The following FARSB variants were observed in gnomAD, a reference collection of about 807,000 sequenced individuals.
The protein encoded by FARSB is phenylalanine--tRNA ligase beta subunit.
In FARSB, 40 loss-of-function variants were observed where a neutral mutation model predicts 69.6. The observed-to-expected ratio is 0.57, with a 90% CI of 0.45 to 0.75. The LOEUF (loss-of-function observed/expected upper bound fraction) is 0.75, where lower values mean the gene tolerates loss of function less well. Ranked by LOEUF, FARSB falls within the 30% of genes least tolerant of loss-of-function variation. The pLI, the probability that FARSB is intolerant of heterozygous loss-of-function variation, is 0.00. For missense variants in FARSB, 632 were observed against 722.9 expected, an observed-to-expected ratio of 0.87 and a Z score of 1.44; for synonymous variants, 235 against 247.2, an observed-to-expected ratio of 0.95 and a Z score of 0.46.
chr2:222,586,406 A>G (rs367584353), intron 16 of FARSB, among the ~76,000 whole-genome samples: 144 of 152,382 alleles, frequency 9.4e-4, no homozygotes, highest in Middle Eastern at 6.8e-3. Context: ...CTGCAAAAAC[A>G]TACCAAATTG....
In FARSB at chr2:222,609,913, G is replaced by A. The variant is rs543111577; in HGVS notation, c.1462+3898C>T. 4.6e-5 allele frequency among the ~76,000 whole-genome samples: 7 copies of A among 152,306 alleles called. No homozygotes were observed. In the South Asian group the frequency reaches 1.0e-3, roughly 23 times the overall value. On this transcript the variant is annotated intron_variant, in intron 15 of 16. Transcript: ENST00000281828. Reference sequence around the variant, plus strand: ...ATTCTATTTTCATTTTGGAAGACATGCTTGCCCACCCCAAATTGATACAAG... The same window carrying A: ...ATTCTATTTTCATTTTGGAAGACATACTTGCCCACCCCAAATTGATACAAG...
In FARSB at chr2:222,630,132, A is replaced by G; in HGVS notation, c.829T>C (p.Tyr277His). The change falls in exon 9 of 17, where the codon TAT (tyrosine) becomes CAT (histidine). Residue 277 changes from tyrosine (Y) to histidine (H), a missense_variant. Physicochemically the swap from Tyr to His is moderately conservative, Grantham distance 83 (BLOSUM62 2). Coordinates refer to ENST00000281828, the MANE Select transcript of FARSB (RefSeq NM_005687.5). ...ACTTACGTAAATTGATTCTCACAAT[A>G]TTCACTGAACATGGTGACAATAATA... ...LDIIVTMFSE[Y>H]CENQFTVEAA... 1 of 1,563,406 alleles carries G rather than the reference A, an allele frequency of 6.4e-7. No individual in the cohort carries two copies. Among genetic ancestry groups the G allele is most frequent in the Non-Finnish European group, 8.7e-7 (1 of 1,155,908 alleles).
At chr2:222,637,118 G>A (rs1691601894) in intron 5 of FARSB, among the ~76,000 whole-genome samples, 2 of 152,262 alleles carry the variant, frequency 1.3e-5, no homozygotes, top group Admixed American at 1.3e-4. Flanking sequence ...AGACTCACTA[G>A]GCACTTCAAG....
chr2:222,572,656 T>C (rs1376184971), intron 16 of FARSB, among the ~76,000 whole-genome samples: 1 of 152,166 alleles, frequency 6.6e-6, no homozygotes, highest in Non-Finnish European at 1.5e-5. Flanking sequence ...GCATCTACTG[T>C]AAAACCACAG....
intron 14 of FARSB, among the ~76,000 whole-genome samples, chr2:222,618,346 GAAGTA>G (rs903213811): frequency 7.9e-5 from 12 of 152,024 alleles, no homozygotes; most frequent in Non-Finnish European, 1.2e-4. Flanking sequence ...TATTTTTGTA[GAAGTA>G]AAAACCAAAA....
intron 15 of FARSB, among the ~76,000 whole-genome samples, chr2:222,607,237 A>C (rs1395221497): frequency 6.6e-6 from 1 of 152,192 alleles, no homozygotes; most frequent in Non-Finnish European, 1.5e-5. Context: ...TTATGAAGAG[A>C]ATTCAACAAA....
At chr2:222,614,911 G>T (rs995754786) in intron 14 of FARSB, among the ~76,000 whole-genome samples, 2 of 152,090 alleles carry the variant, frequency 1.3e-5, no homozygotes, top group Non-Finnish European at 1.5e-5. Context: ...AAATGTAAAT[G>T]CAATTAAAAT....
chr2:222,621,019 A>G (rs976877262), intron 13 of FARSB, among the ~76,000 whole-genome samples: 1 of 152,228 alleles, frequency 6.6e-6, no homozygotes, highest in Non-Finnish European at 1.5e-5. Context: ...ACTGGGGATA[A>G]GCGTTTTCCC....
chr2:222,593,988 G>A (rs544021566), intron 16 of FARSB, among the ~76,000 whole-genome samples: 21 of 150,582 alleles, frequency 1.4e-4, no homozygotes, highest in African/African-American at 4.6e-4. Context: ...TGGGCGTGGT[G>A]GCTCACACCT....
intron 16 of FARSB, among the ~76,000 whole-genome samples, chr2:222,576,938 C>A (rs762988393): frequency 6.6e-6 from 1 of 152,176 alleles, no homozygotes; most frequent in Non-Finnish European, 1.5e-5. Context: ...ACTTATCCCA[C>A]GTGAGCATGG....
chr2:222,574,072 G>A (rs562052421), intron 16 of FARSB, among the ~76,000 whole-genome samples: 104 of 152,258 alleles, frequency 6.8e-4, no homozygotes, highest in South Asian at 3.1e-3. Context: ...TAAGCCAGAT[G>A]TGCTAGTTCT....
At chr2:222,577,469 CAACTGGATGTGAGGG>C (rs1028902876) in intron 16 of FARSB, among the ~76,000 whole-genome samples, 19 of 152,176 alleles carry the variant, frequency 1.2e-4, no homozygotes, top group African/African-American at 3.6e-4. Flanking sequence ...AAAGTGAAGG[CAACTGGATGTGAGGG>C]AACTGGTACC....
chr2:222,641,014 G>A, intron 3 of FARSB, 83 bp from the exon 4 acceptor site: 1 of 524,256 alleles, frequency 1.9e-6, no homozygotes, highest in Middle Eastern at 6.1e-4. Flanking sequence ...TATATAGGAA[G>A]TATACAAAAT....
chr2:222,656,062 G>T lies in FARSB; in HGVS notation c.12C>A (p.Val4=), dbSNP rs764181068. The T allele has an allele frequency of 3.1e-6, 5 of 1,596,490 alleles. No homozygotes were observed. In the South Asian group the frequency reaches 5.6e-5, roughly 18 times the overall value. The change falls in exon 1 of 17, where the codon GTC becomes GTA. Residue 4 remains valine (V), a synonymous_variant. Coordinates refer to ENST00000281828, the MANE Select transcript of FARSB (RefSeq NM_005687.5). MPT[V]SVKRDLLFQA... ...GGAAGAGCAGATCACGCTTCACGCT[G>T]ACAGTCGGCATGGTGTGTCGAACTC...
At chr2:222,614,667 A>C (rs1357947119) in intron 14 of FARSB, among the ~76,000 whole-genome samples, 1 of 152,202 alleles carries the variant, frequency 6.6e-6, no homozygotes, top group African/African-American at 2.4e-5. Context: ...CAACATAGCA[A>C]AACACCACCT....
chr2:222,594,881 G>C (rs1480560671), intron 16 of FARSB, among the ~76,000 whole-genome samples: 1 of 152,172 alleles, frequency 6.6e-6, no homozygotes, highest in African/African-American at 2.4e-5. Flanking sequence ...AACAAGGCAG[G>C]GCTAAGTGAC....
rs1441024183 is a variant in FARSB at position 222,568,582 on chromosome 2, G to T, written c.*3289C>A. The T allele has an allele frequency of 6.6e-6, 1 of 152,246 alleles. No homozygotes were observed. Among genetic ancestry groups the T allele is most frequent in the Non-Finnish European group, 1.5e-5 (1 of 68,042 alleles). The allele number at this position is 152,246 out of a possible 1,614,324, so 9.4% of individuals were successfully genotyped here. ...AAACAGAAGAGCAGGCTGGGCGCCTGTAATCCCAGCACTTTGGGAGGCAGA... is the reference window on the plus strand; with the variant it reads ...AAACAGAAGAGCAGGCTGGGCGCCTTTAATCCCAGCACTTTGGGAGGCAGA... On this transcript the variant is annotated 3_prime_UTR_variant, in exon 17 of 17. Coordinates refer to ENST00000281828, the MANE Select transcript of FARSB (RefSeq NM_005687.5). The surrounding 1 kb of genome is among the most constrained non-coding windows in gnomAD (Gnocchi z 4.3).
chr2:222,617,328 A>G (rs1437597622), intron 14 of FARSB, among the ~76,000 whole-genome samples: 1 of 152,198 alleles, frequency 6.6e-6, no homozygotes, highest in East Asian at 1.9e-4. Context: ...ATTTCTGATT[A>G]TTTTCCTTCC....
chr2:222,634,890 T>C (rs1691539665), intron 5 of FARSB, among the ~76,000 whole-genome samples: 2 of 152,206 alleles, frequency 1.3e-5, no homozygotes, highest in Admixed American at 6.5e-5. Context: ...TTTAACCTAT[T>C]TCTTCTTGAT....
Sources: allele counts gnomAD v4.1 joint callset (sites outside exome capture counted in the v4.1 genomes callset), GRCh38; gene constraint gnomAD v4.1.1; non-coding constraint Gnocchi (gnomAD v3.1); transcripts MANE v1.5; gene names NCBI Gene and HGNC (gene_info 2026-07-23, HGNC 2026-07-21).